The following CUL9 variants were observed in gnomAD, a reference collection of about 807,000 sequenced individuals.
CUL9 encodes the protein cullin 9.
Under a neutral mutation model 272.6 loss-of-function variants are expected in CUL9, and 79 were observed. The ratio of observed to expected loss-of-function variants is 0.29; its 90% CI spans 0.24 to 0.35. The LOEUF (loss-of-function observed/expected upper bound fraction) is 0.35. Among genes scored for constraint, CUL9 ranks in the 10% least tolerant of loss-of-function variants. The pLI is 1.00. For missense variants in CUL9, 2,532 were observed against 3,255.6 expected, an observed-to-expected ratio of 0.78 and a Z score of 5.41; for synonymous variants, 1,186 against 1,286.5, an observed-to-expected ratio of 0.92 and a Z score of 1.67.
chr6:43,213,494 C>T lies in CUL9; in HGVS notation c.5415C>T (p.Leu1805=). The T allele has an allele frequency of 6.2e-7, 1 of 1,614,000 alleles. No homozygotes were observed. The highest frequency in any genetic ancestry group is 8.5e-7 in the Non-Finnish European group (1 of 1,180,014). The change falls in exon 28 of 41, where the codon CTC becomes CTT. Residue 1805 remains leucine, a synonymous_variant. Coordinates refer to ENST00000252050, the MANE Select transcript of CUL9 (RefSeq NM_015089.4). This position sits in a 1 kb window ranked among gnomAD's most constrained non-coding sequence, Gnocchi z 5.7. The part of the protein sequence containing the change: ...KDSDLSPELL[L]QALVPLTSGN... ...CTGACCTCTCCCCAGAGCTGCTGCT[C>T]CAGGCACTCGTGCCCCTCACCTCAG...
At chr6:43,198,531 G>C (rs550069002) in intron 11 of CUL9, 78 bp from the exon 12 acceptor site, 1 of 1,561,718 alleles carries the variant, frequency 6.4e-7, no homozygotes, top group East Asian at 2.3e-5. Flanking sequence ...GTGATTTTCT[G>C]GACCTTCCCA....
At position 43,203,705 on chromosome 6, in the gene CUL9, G is replaced by A. The variant is rs976522288; in HGVS notation, c.4025+113G>A. On this transcript the variant is annotated intron_variant, in intron 19 of 40. Coordinates refer to ENST00000252050, the MANE Select transcript of CUL9 (RefSeq NM_015089.4). The surrounding 1 kb of genome is among the most constrained non-coding windows in gnomAD (Gnocchi z 5.0). Reference sequence around the variant, plus strand: ...AAAGCTGCAGCCAGGACATGAGGGGGAAGGTGAACGTAGGTGAGAAGTTTG... The same window carrying A: ...AAAGCTGCAGCCAGGACATGAGGGGAAAGGTGAACGTAGGTGAGAAGTTTG... 1 of 1,507,726 alleles carries A rather than the reference G, an allele frequency of 6.6e-7. No individual in the cohort carries two copies. The highest frequency in any genetic ancestry group is 9.0e-7 in the Non-Finnish European group (1 of 1,116,548). The allele number at this position is 1,507,726 out of a possible 1,614,324, so 93.4% of individuals were successfully genotyped here.
In CUL9 at chr6:43,203,962, C is replaced by T. The variant is rs1456518724; in HGVS notation, c.4134C>T (p.Pro1378=). 2.5e-6 allele frequency: 4 copies of T among 1,608,824 alleles called. No individual in the cohort carries two copies. The highest frequency in any genetic ancestry group is 3.4e-6 in the Non-Finnish European group (4 of 1,176,038). ...GKTCWEALVS[P]LVQNITSPDA... is the part of the protein sequence containing the mutation. The stretch of plus-strand genomic sequence containing the variant: ...CCTGCTGGGAGGCCCTGGTCAGCCC[C>T]CTGGTGCAGAACATCACCTCTCCCG... The change falls in exon 20 of 41, where the codon CCC becomes CCT. Residue 1378 remains proline (P), a synonymous_variant. Coordinates refer to ENST00000252050, the MANE Select transcript of CUL9 (RefSeq NM_015089.4). This position sits in a 1 kb window ranked among gnomAD's most constrained non-coding sequence, Gnocchi z 5.0.
At chr6:43,198,159 T>G in intron 11 of CUL9, 2 of 505,644 alleles carry the variant, frequency 4.0e-6, no homozygotes, top group Non-Finnish European at 5.1e-6. Flanking sequence ...GAGAATCACT[T>G]GAGCCCAGGA....
rs1402645188 is a variant in CUL9, at chr6:43,218,816, G to A, written c.6283-1643G>A. Among the ~76,000 whole-genome samples the A allele has an allele frequency of 6.6e-6, 1 of 152,182 alleles. No homozygotes were observed. The highest frequency in any genetic ancestry group is 6.5e-5 in the Admixed American group (1 of 15,278). On this transcript the variant is annotated intron_variant, in intron 31 of 40. Coordinates refer to ENST00000252050, the MANE Select transcript of CUL9 (RefSeq NM_015089.4). The surrounding 1 kb of genome is among the most constrained non-coding windows in gnomAD (Gnocchi z 4.4). Reference sequence around the variant, plus strand: ...CATCTTTACTCTGTTGTGGCCCTGTGAAGTTTGAGCTGCTTGTTGGACACC... The same window carrying A: ...CATCTTTACTCTGTTGTGGCCCTGTAAAGTTTGAGCTGCTTGTTGGACACC...
chr6:43,218,285 C>T lies in CUL9; in HGVS notation c.6282+1782C>T, dbSNP rs767693770. On this transcript the variant is annotated intron_variant, in intron 31 of 40. Coordinates refer to ENST00000252050, the MANE Select transcript of CUL9 (RefSeq NM_015089.4). The surrounding 1 kb of genome is among the most constrained non-coding windows in gnomAD (Gnocchi z 4.4). ...AGGCTGCAGTGCAGTGGCGCGATCT[C>T]GGCTCATTGCAACCTCCATCTCCCG... is the stretch of plus-strand genomic sequence containing the variant. 5.9e-5 allele frequency among the ~76,000 whole-genome samples: 9 copies of T among 152,054 alleles called. No homozygotes were observed. The highest frequency in any genetic ancestry group is 2.2e-4 in the African/African-American group (9 of 41,406).
In CUL9 at chr6:43,221,337, C is replaced by T; in HGVS notation, c.6752+16C>T. The T allele has an allele frequency of 1.3e-6, 2 of 1,574,626 alleles. No homozygotes were observed. The highest frequency in any genetic ancestry group is 8.6e-7 in the Non-Finnish European group (1 of 1,162,628). On this transcript the variant is annotated intron_variant, in intron 34 of 40. Coordinates refer to ENST00000252050, the MANE Select transcript of CUL9 (RefSeq NM_015089.4). The surrounding 1 kb of genome is among the most constrained non-coding windows in gnomAD (Gnocchi z 4.2). ...GGTGCCTGCAGTAAGAAGGGGGGTA[C>T]TGTGGGGAGCCAGAGGGCAAGGAGG... is the stretch of plus-strand genomic sequence containing the variant.
chr6:43,194,286 CT>C, intron 9 of CUL9, among the ~76,000 whole-genome samples: 1 of 151,936 alleles, frequency 6.6e-6, no homozygotes, highest in Non-Finnish European at 1.5e-5. Flanking sequence ...CTTTTCTCTT[CT>C]CTTTTCTCTT....
intron 26 of CUL9, among the ~76,000 whole-genome samples, chr6:43,207,244 T>TA (rs1443269378): frequency 6.6e-6 from 1 of 152,242 alleles, no homozygotes; most frequent in African/African-American, 2.4e-5. Context: ...CCCATCAAGA[T>TA]ACAGAACATT....
chr6:43,186,607 C>T lies in CUL9; in HGVS notation c.1251+152C>T. Reference sequence around the variant, plus strand: ...AGGGGGTTGGCATTTGTGCGGGGTGCATTTGGAGGGCTGAGAAAATCTGGC... The same window carrying T: ...AGGGGGTTGGCATTTGTGCGGGGTGTATTTGGAGGGCTGAGAAAATCTGGC... On this transcript the variant is annotated intron_variant, in intron 4 of 40. Coordinates refer to ENST00000252050, the MANE Select transcript of CUL9 (RefSeq NM_015089.4). 3.3e-6 allele frequency: 4 copies of T among 1,208,258 alleles called. No homozygotes were observed. In the South Asian group the frequency reaches 4.9e-5, roughly 15 times the overall value. 74.8% of individuals were successfully genotyped at this position (1,208,258 alleles called of 1,614,324 possible). A position where few individuals can be genotyped will look rare whatever the true frequency, so the allele number is the denominator to read the frequency against.
At position 43,221,353 on chromosome 6, in the gene CUL9, G is replaced by A. The variant is rs756656660; in HGVS notation, c.6752+32G>A. The A allele has an allele frequency of 1.3e-6, 2 of 1,548,170 alleles. No individual in the cohort carries two copies. Among genetic ancestry groups the A allele is most frequent in the African/African-American group, 2.8e-5 (2 of 72,484 alleles). On this transcript the variant is annotated intron_variant, in intron 34 of 40. Coordinates refer to ENST00000252050, the MANE Select transcript of CUL9 (RefSeq NM_015089.4). This position sits in a 1 kb window ranked among gnomAD's most constrained non-coding sequence, Gnocchi z 4.2. The stretch of plus-strand genomic sequence containing the variant: ...AGGGGGGTACTGTGGGGAGCCAGAG[G>A]GCAAGGAGGGGGGAGGAGGCCTGGC...
chr6:43,196,830 A>G lies in CUL9; in HGVS notation c.2771A>G (p.Tyr924Cys), dbSNP rs1469171931. Residue 924 changes from tyrosine to cysteine, a missense_variant, in exon 11 of 41, where the codon TAC (tyrosine) becomes TGC (cysteine). Physicochemically the swap from Tyr to Cys is radical, Grantham distance 194. Transcript: ENST00000252050. Reference protein sequence around the residue: ...RTILMMLLNRYSEPPGSPERA... With the variant: ...RTILMMLLNRCSEPPGSPERA... ...ATCCTCATGATGCTTCTCAATCGCT[A>G]CTCAGAGCCGCCGGGCAGCCCTGAG... 3 of 1,614,058 alleles carry G rather than the reference A, an allele frequency of 1.9e-6. No homozygotes were observed. Among genetic ancestry groups the G allele is most frequent in the South Asian group, 2.2e-5 (2 of 91,072 alleles).
rs1307266017 is a variant in CUL9, at chr6:43,203,558, G to A, written c.3991G>A (p.Glu1331Lys). ...ACAAGCCTGGAGCCGGGACATAGCA[G>A]AGGACCACCGGCGCCTCCTCCAGCT... ...RAQAWSRDIA[E>K]DHRRLLQLCP... The change falls in exon 19 of 41, where the codon GAG (glutamate) becomes AAG (lysine). Residue 1331 changes from glutamate to lysine, a missense_variant. Glu to Lys is a moderately conservative substitution (Grantham distance 56). Transcript: ENST00000252050. The surrounding 1 kb of genome is among the most constrained non-coding windows in gnomAD (Gnocchi z 5.0). 6.2e-7 allele frequency: 1 copy of A among 1,613,878 alleles called. No homozygotes were observed. The highest frequency in any genetic ancestry group is 8.5e-7 in the Non-Finnish European group (1 of 1,180,030).
chr6:43,192,005 ATTACAAGTTTATATTTATATT>A (rs1773564976), intron 8 of CUL9, among the ~76,000 whole-genome samples: 1 of 141,676 alleles, frequency 7.1e-6, no homozygotes, highest in Non-Finnish European at 1.5e-5. Context: ...GGTTGTAGTT[ATTACAAGTTTATATTTATATT>A]TTGATAATAA....
At chr6:43,222,164 A>C in intron 35 of CUL9, 152 bp from the exon 36 acceptor site, 3 of 687,790 alleles carry the variant, frequency 4.4e-6, no homozygotes, top group Non-Finnish European at 5.2e-6. Flanking sequence ...AAAGGGGTGA[A>C]TAATATGACC....
chr6:43,188,119 G>T lies in CUL9; in HGVS notation c.1987+1G>T. On this transcript the variant is annotated splice_donor_variant, in intron 7 of 40. Transcript: ENST00000252050. LOFTEE classifies it high-confidence loss of function. ...ACTGAGATGAAGGAGGCAGCCAGTG[G>T]TGAGTCAGGTTCTGGGAGGAAGCAA... 6.2e-7 allele frequency: 1 copy of T among 1,613,610 alleles called. No homozygotes were observed.
chr6:43,196,658 G>A lies in CUL9; in HGVS notation c.2599G>A (p.Ala867Thr), dbSNP rs1774025826. The A allele has an allele frequency of 1.2e-6, 2 of 1,614,178 alleles. No homozygotes were observed. Among genetic ancestry groups the A allele is most frequent in the South Asian group, 2.2e-5 (2 of 91,090 alleles). ...CCCTCCTCCCAGGTGCTCTTCTGCA[G>A]CGAGAAATGGCTTACTCCTGCTCAA... ...MLNTEGCSSAARNGLLLLNLL... is the reference protein window; with the variant it reads ...MLNTEGCSSATRNGLLLLNLL... Residue 867 changes from alanine (A) to threonine (T), a missense_variant, in exon 11 of 41, where the codon GCG (alanine) becomes ACG (threonine). Physicochemically the swap from Ala to Thr is moderately conservative, Grantham distance 58. Transcript: ENST00000252050.
Position 43,222,901 on chromosome 6 carries a change from GCCACC to G in CUL9, c.7150+8_7150+12del. The G allele has an allele frequency of 1.2e-6, 2 of 1,610,218 alleles. No homozygotes were observed. The highest frequency in any genetic ancestry group is 1.7e-6 in the Non-Finnish European group (2 of 1,177,330). On this transcript the variant is annotated splice_donor_region_variant and intron_variant, in intron 38 of 40. Coordinates refer to ENST00000252050, the MANE Select transcript of CUL9 (RefSeq NM_015089.4). ...ATGCCCTGCAGATCCTCCTGGGTGAGCCACCCCTGCCAGCCAGGCCCTCCTCCTGC... is the reference window on the plus strand; with the variant it reads ...ATGCCCTGCAGATCCTCCTGGGTGAGCCTGCCAGCCAGGCCCTCCTCCTGC...
In CUL9 at chr6:43,200,607, C is replaced by T. The variant is rs373127320; in HGVS notation, c.3476-56C>T. ...CCCTTCCTGCTCCTTAGACCTTTTC[C>T]TTTTTCCTCTCAACTAACCTAGCTG... On this transcript the variant is annotated intron_variant, in intron 15 of 40. Transcript: ENST00000252050. This position sits in a 1 kb window ranked among gnomAD's most constrained non-coding sequence, Gnocchi z 4.0. 8.1e-6 allele frequency: 13 copies of T among 1,613,394 alleles called. No individual in the cohort carries two copies. In the South Asian group the frequency reaches 1.4e-4, roughly 18 times the overall value.
Sources: gnomAD v4.1 joint callset for allele counts (sites outside exome capture counted in the v4.1 genomes callset) on GRCh38, gnomAD v4.1.1 for gene constraint, Gnocchi (gnomAD v3.1) non-coding constraint, MANE v1.5 for transcripts, NCBI Gene and HGNC (gene_info 2026-07-23, HGNC 2026-07-21) for gene names.